The following FAM76A variants were observed in gnomAD, a reference collection of about 807,000 sequenced individuals.
FAM76A encodes protein FAM76A.
Under a neutral mutation model 46.2 loss-of-function variants are expected in FAM76A, and 32 were observed. That is an observed-to-expected ratio of 0.69 (90% CI 0.52 to 0.93). The LOEUF (loss-of-function observed/expected upper bound fraction) is 0.93. FAM76A is among the 40% of genes least tolerant of loss of function. FAM76A has a pLI of 0.00. For missense variants in FAM76A, 274 were observed against 361.5 expected (o/e 0.76, Z 1.96); for synonymous variants, 137 against 127.0 (o/e 1.08, Z -0.53).
rs1571479680 is a variant in FAM76A at position 27,740,257 on chromosome 1, T to C, written c.355-4397T>C. The C allele has an allele frequency of 7.0e-6, 5 of 716,956 alleles. No individual in the cohort carries two copies. The East Asian group carries it at 8.4e-5, about 12-fold the overall frequency. 44.4% of individuals were successfully genotyped at this position (716,956 alleles called of 1,614,324 possible). Reference sequence around the variant, plus strand: ...GCTACTAAGTACTCAGAGGCTTTGATTGAAGACATTTGGGAGAATGGGATG... The same window carrying C: ...GCTACTAAGTACTCAGAGGCTTTGACTGAAGACATTTGGGAGAATGGGATG... On this transcript the variant is annotated intron_variant, in intron 4 of 8. Transcript: ENST00000373954.
chr1:27,752,688 G>A (rs1028198348), intron 6 of FAM76A, among the ~76,000 whole-genome samples: 2 of 152,170 alleles, frequency 1.3e-5, no homozygotes, highest in Admixed American at 6.5e-5. Flanking sequence ...AGAGAGGCAG[G>A]TTTTGGCTCA....
chr1:27,744,653 G>A lies in FAM76A; in HGVS notation c.355-1G>A. 1 of 1,613,828 alleles carries A rather than the reference G, an allele frequency of 6.2e-7. No individual in the cohort carries two copies. The highest frequency in any genetic ancestry group is 1.3e-5 in the African/African-American group (1 of 75,026). On this transcript the variant is annotated splice_acceptor_variant, in intron 4 of 8. Transcript: ENST00000373954. LOFTEE classifies it high-confidence loss of function. ...TTTATCTTTGTCTCCTTGTCTTTCA[G>A]GTAGATGGGAAATTGCTGTGCTGGC... is the stretch of plus-strand genomic sequence containing the variant.
chr1:27,755,554 C>T (rs1234586612), intron 7 of FAM76A, among the ~76,000 whole-genome samples: 3 of 152,152 alleles, frequency 2.0e-5, no homozygotes, highest in African/African-American at 2.4e-5. Context: ...GCAGCTTCCA[C>T]TTCTCAAAGA....
At chr1:27,749,301 C>G (rs1198972062) in intron 6 of FAM76A, 147 bp downstream of exon 6, 2 of 465,024 alleles carry the variant, frequency 4.3e-6, no homozygotes, top group African/African-American at 4.0e-5. Flanking sequence ...GTTTATAAAT[C>G]TAATCTTGTC....
intron 6 of FAM76A, 73 bp downstream of exon 6, chr1:27,749,227 G>A: frequency 8.7e-6 from 9 of 1,037,840 alleles, no homozygotes; most frequent in Non-Finnish European, 1.3e-5. Context: ...AATACATTTA[G>A]GGTCTGCCTT....
chr1:27,748,069 C>G (rs746237967), intron 5 of FAM76A, among the ~76,000 whole-genome samples: 2 of 150,436 alleles, frequency 1.3e-5, no homozygotes, highest in Non-Finnish European at 2.9e-5. Flanking sequence ...AATAACTTAT[C>G]TATACCTCAC....
At position 27,726,059 on chromosome 1, in the gene FAM76A, G is replaced by A; in HGVS notation, c.-22G>A. ...ATCGGCGGGCCGGGCCGGCGGGTCG[G>A]TGAGCGCGGCCCGGGCCGGACATGG... is the stretch of plus-strand genomic sequence containing the variant. On this transcript the variant is annotated 5_prime_UTR_variant, in exon 1 of 9. The change creates a new upstream start codon in the 5' untranslated region. Coordinates refer to ENST00000373954, the MANE Select transcript of FAM76A (RefSeq NM_152660.3). The A allele has an allele frequency of 8.0e-7, 1 of 1,247,688 alleles. No homozygotes were observed. Among genetic ancestry groups the A allele is most frequent in the Non-Finnish European group, 1.0e-6 (1 of 995,638 alleles). 77.3% of individuals were successfully genotyped at this position (1,247,688 alleles called of 1,614,324 possible).
chr1:27,730,417 C>G (rs2087937862), intron 2 of FAM76A: 1 of 152,354 alleles, frequency 6.6e-6, no homozygotes, highest in Non-Finnish European at 1.5e-5. Flanking sequence ...AACTCCGGAC[C>G]TCCGGTGGTC....
rs2148591274 is a variant in FAM76A at position 27,762,217 on chromosome 1, A to G, written c.*1636A>G. ...ATCTTCCCTTCTTAACCCTGTAGGA[A>G]TATGGATTTACTTTTCCAGGAAAGG... On this transcript the variant is annotated 3_prime_UTR_variant, in exon 9 of 9. Transcript: ENST00000373954. 6.6e-6 allele frequency: 1 copy of G among 152,248 alleles called. No homozygotes were observed. The highest frequency in any genetic ancestry group is 1.9e-4 in the East Asian group (1 of 5,190). The allele number at this position is 152,248 out of a possible 1,614,324, so 9.4% of individuals were successfully genotyped here.
chr1:27,737,868 CAA>C (rs71571865), intron 4 of FAM76A, among the ~76,000 whole-genome samples: 2,322 of 62,380 alleles, frequency 0.037, 42 homozygotes, highest in African/African-American at 0.1. Context: ...ACAACAACAA[CAA>C]AAAAAAAAAA....
intron 5 of FAM76A, 69 bp downstream of exon 5, chr1:27,744,880 C>A: frequency 6.9e-7 from 1 of 1,455,828 alleles, no homozygotes. Flanking sequence ...ACATAACCAT[C>A]ATGGTACATA....
intron 1 of FAM76A, among the ~76,000 whole-genome samples, 189 bp from the exon 2 acceptor site, chr1:27,727,279 TCTTA>T (rs1187079714): frequency 1.3e-5 from 2 of 152,286 alleles, no homozygotes; most frequent in Admixed American, 1.3e-4. Flanking sequence ...CCATATAAGT[TCTTA>T]CTTAACTCCC....
intron 3 of FAM76A, among the ~76,000 whole-genome samples, chr1:27,733,742 C>T (rs562588223): frequency 2.0e-5 from 3 of 151,790 alleles, no homozygotes; most frequent in African/African-American, 4.8e-5. Flanking sequence ...CCAGCTACTC[C>T]GGAGGCTGAG....
At chr1:27,733,450 A>T (rs993523238) in intron 3 of FAM76A, among the ~76,000 whole-genome samples, 1 of 152,232 alleles carries the variant, frequency 6.6e-6, no homozygotes, top group Non-Finnish European at 1.5e-5. Flanking sequence ...TGCATGTCTC[A>T]TAGAAGTCTC....
At chr1:27,739,430 T>A (rs2088112257) in intron 4 of FAM76A, 1 of 499,784 alleles carries the variant, frequency 2.0e-6, no homozygotes, top group Non-Finnish European at 4.0e-6. Context: ...TGTTTTTCTC[T>A]AAGGATTAAG....
Position 27,759,556 on chromosome 1 carries a change from C to G in FAM76A, c.766C>G (p.Gln256Glu). 6.2e-7 allele frequency: 1 copy of G among 1,613,356 alleles called. No homozygotes were observed. Among genetic ancestry groups the G allele is most frequent in the Non-Finnish European group, 8.5e-7 (1 of 1,179,772 alleles). Residue 256 changes from glutamine to glutamate, a missense_variant, in exon 8 of 9, where the codon CAG becomes GAG. Gln to Glu is a conservative substitution (Grantham distance 29). Transcript: ENST00000373954. ...ITELKADFQY[Q>E]ESQMRAKMNQ... is the part of the protein sequence containing the mutation. The stretch of plus-strand genomic sequence containing the variant: ...AGAGTTGAAGGCTGATTTTCAGTAC[C>G]AGGAATCGCAGATGAGAGCCAAAAT...
At chr1:27,743,610 C>G (rs1283201401) in intron 4 of FAM76A, among the ~76,000 whole-genome samples, 1 of 152,018 alleles carries the variant, frequency 6.6e-6, no homozygotes, top group African/African-American at 2.4e-5. Context: ...CAAAAAAATA[C>G]AAAAATTAGC....
At chr1:27,744,550 G>A (rs574030075) in intron 4 of FAM76A, 104 bp from the exon 5 acceptor site, 35 of 1,236,940 alleles carry the variant, frequency 2.8e-5, no homozygotes, top group Non-Finnish European at 3.8e-5. Flanking sequence ...CAGCACATAA[G>A]TTTCAGAACT....
intron 7 of FAM76A, among the ~76,000 whole-genome samples, chr1:27,755,599 G>C (rs976956501): frequency 3.3e-5 from 5 of 152,106 alleles, no homozygotes; most frequent in African/African-American, 9.7e-5. Context: ...TTTGAGACAG[G>C]GTCTCAGCTG....
Sources: allele counts gnomAD v4.1 joint callset (sites outside exome capture counted in the v4.1 genomes callset), GRCh38; gene constraint gnomAD v4.1.1; transcripts MANE v1.5; gene names NCBI Gene and HGNC (gene_info 2026-07-23, HGNC 2026-07-21).